COL4A2: variants seen among roughly 807,000 people sequenced by gnomAD.
COL4A2 encodes the protein collagen type IV alpha 2 chain.
Under a neutral mutation model 200.2 loss-of-function variants are expected in COL4A2, and 99 were observed. The ratio of observed to expected loss-of-function variants is 0.49; its 90% CI spans 0.42 to 0.58. The LOEUF (loss-of-function observed/expected upper bound fraction) is 0.58, where lower values mean the gene tolerates loss of function less well. COL4A2 is among the 20% of genes least tolerant of loss of function. The pLI is 0.00. For synonymous variants in COL4A2, 897 were observed against 900.6 expected (o/e 1.00, Z 0.07); for missense variants, 1,950 against 2,314.1 (o/e 0.84, Z 3.23).
intron 3 of COL4A2, among the ~76,000 whole-genome samples, chr13:110,351,889 T>C (rs116369826): frequency 0.012 from 1,880 of 152,272 alleles, 29 homozygotes; most frequent in African/African-American, 0.043. Context: ...TCCTGGCCAA[T>C]GCGCCTGGGA....
At chr13:110,454,541 T>C (rs369500858) in intron 20 of COL4A2, among the ~76,000 whole-genome samples, 12 of 152,132 alleles carry the variant, frequency 7.9e-5, no homozygotes, top group African/African-American at 2.9e-4. Context: ...CTCACAAAAG[T>C]CCACAACTGA....
At chr13:110,507,641 G>A (rs1482987115) in intron 46 of COL4A2, 4 of 511,816 alleles carry the variant, frequency 7.8e-6, no homozygotes, top group African/African-American at 3.8e-5. Flanking sequence ...CTAAGGTAAG[G>A]CTCACCCAAA....
intron 3 of COL4A2, among the ~76,000 whole-genome samples, chr13:110,317,098 C>G (rs1229085739): frequency 6.6e-6 from 1 of 150,994 alleles, no homozygotes; most frequent in Non-Finnish European, 1.5e-5. Context: ...CACACACATA[C>G]AGACACACAC....
chr13:110,485,625 A>G lies in COL4A2; in HGVS notation c.3026-30A>G, dbSNP rs1269620378. On this transcript the variant is annotated intron_variant, in intron 33 of 47. Transcript: ENST00000360467. ...GGAGGGCGGGTGCTGCGTCCTCACCAGAGTGTTACACACCAGGGTCTTCCT... is the reference window on the plus strand; with the variant it reads ...GGAGGGCGGGTGCTGCGTCCTCACCGGAGTGTTACACACCAGGGTCTTCCT... 4 of 1,557,958 alleles carry G rather than the reference A, an allele frequency of 2.6e-6. No individual in the cohort carries two copies. In the African/African-American group the frequency reaches 5.5e-5, roughly 22 times the overall value.
Position 110,428,520 on chromosome 13 carries a change from C to T in COL4A2, c.414C>T (p.Asn138=), listed in dbSNP as rs755297932. 31 of 1,586,202 alleles carry T rather than the reference C, an allele frequency of 2.0e-5. No homozygotes were observed. In the East Asian group the frequency reaches 2.6e-4, roughly 14 times the overall value. The change falls in exon 7 of 48, where the codon AAC becomes AAT. Residue 138 remains asparagine (N), a synonymous_variant. Coordinates refer to ENST00000360467, the MANE Select transcript of COL4A2 (RefSeq NM_001846.4). The part of the protein sequence containing the change: ...PRGRPGYDGC[N]GTQGDSGPQG... Reference sequence around the variant, plus strand: ...GAAGGCCGGGCTACGATGGCTGCAACGGAACCCAGGGAGACTCAGGTCCAC... The same window carrying T: ...GAAGGCCGGGCTACGATGGCTGCAATGGAACCCAGGGAGACTCAGGTCCAC...
intron 27 of COL4A2, 76 bp from the exon 28 acceptor site, chr13:110,469,141 G>A: frequency 6.6e-7 from 1 of 1,513,062 alleles, no homozygotes; most frequent in Middle Eastern, 1.7e-4. Context: ...TCCACATTAA[G>A]TCAGATGCCA....
chr13:110,330,658 C>T (rs370061728), intron 3 of COL4A2, among the ~76,000 whole-genome samples: 29 of 152,272 alleles, frequency 1.9e-4, no homozygotes, highest in African/African-American at 5.5e-4. Context: ...TTCTCCGATC[C>T]GCAGGGCACG....
intron 12 of COL4A2, 136 bp from the exon 13 acceptor site, chr13:110,436,133 A>T: frequency 7.9e-7 from 1 of 1,263,426 alleles, no homozygotes; most frequent in Non-Finnish European, 1.1e-6. Context: ...TGGTTATTAT[A>T]CTGTAAATAG....
chr13:110,436,876 C>A (rs1182922987), intron 13 of COL4A2, among the ~76,000 whole-genome samples: 2 of 150,442 alleles, frequency 1.3e-5, no homozygotes, highest in East Asian at 3.9e-4. Flanking sequence ...CGTCCACTCT[C>A]TCTACGTTTG....
intron 4 of COL4A2, among the ~76,000 whole-genome samples, chr13:110,373,091 G>A (rs889503078): frequency 6.6e-6 from 1 of 152,214 alleles, no homozygotes; most frequent in Admixed American, 6.5e-5. Context: ...TTAAAAGGAA[G>A]CATAATGATT....
chr13:110,451,161 A>G (rs1881526524), intron 20 of COL4A2, among the ~76,000 whole-genome samples: 1 of 152,206 alleles, frequency 6.6e-6, no homozygotes, highest in Admixed American at 6.5e-5. Flanking sequence ...TGAGTTGAGA[A>G]TGACCTGTCT....
chr13:110,369,621 T>A (rs551169671), intron 4 of COL4A2, among the ~76,000 whole-genome samples: 2 of 152,338 alleles, frequency 1.3e-5, no homozygotes, highest in East Asian at 3.9e-4. Context: ...CAGGTGGCAC[T>A]ATGGCATAGG....
In COL4A2 at chr13:110,495,355, C is replaced by T. The variant is rs374779953; in HGVS notation, c.3648C>T (p.His1216=). Residue 1216 remains histidine, a synonymous_variant, in exon 40 of 48, where the codon CAC becomes CAT. Coordinates refer to ENST00000360467, the MANE Select transcript of COL4A2 (RefSeq NM_001846.4). ...ACTCTTCCACAGGTTCTGACATCCA[C>T]GGAGACCCAGGCTTCCCAGGCCCTC... ...GFPGSPGSDI[H]GDPGFPGPPG... is the part of the protein sequence containing the mutation. 27 of 1,614,012 alleles carry T rather than the reference C, an allele frequency of 1.7e-5. No homozygotes were observed. The highest frequency in any genetic ancestry group is 3.3e-5 in the Admixed American group (2 of 59,998).
intron 3 of COL4A2, among the ~76,000 whole-genome samples, chr13:110,351,219 T>TTTGTTTG (rs1555322828): frequency 3.9e-4 from 59 of 150,032 alleles, no homozygotes; most frequent in African/African-American, 1.3e-3. Context: ...CAGCTATTCT[T>TTTGTTTG]TTTGTTTGTT....
intron 26 of COL4A2, 148 bp from the exon 27 acceptor site, chr13:110,466,892 C>T (rs951834970): frequency 3.8e-5 from 37 of 985,846 alleles, no homozygotes; most frequent in Admixed American, 7.5e-5. Flanking sequence ...TACATCAGAA[C>T]CAAGATGAAT....
intron 3 of COL4A2, among the ~76,000 whole-genome samples, chr13:110,348,077 C>A (rs937809562): frequency 3.9e-5 from 6 of 152,242 alleles, no homozygotes; most frequent in Non-Finnish European, 7.3e-5. Context: ...ACTGTCATTT[C>A]TTTCTGGTTC....
intron 16 of COL4A2, among the ~76,000 whole-genome samples, chr13:110,444,483 T>C (rs935216109): frequency 1.3e-5 from 2 of 152,212 alleles, no homozygotes; most frequent in African/African-American, 4.8e-5. Context: ...GAAGTTTGTC[T>C]TTACTTTTGA....
In COL4A2 at chr13:110,493,191, G is replaced by C. The variant is rs767961007; in HGVS notation, c.3563-20G>C. The C allele has an allele frequency of 1.2e-6, 2 of 1,613,654 alleles. No individual in the cohort carries two copies. Among genetic ancestry groups the C allele is most frequent in the South Asian group, 2.2e-5 (2 of 91,072 alleles). On this transcript the variant is annotated intron_variant, in intron 38 of 47. Coordinates refer to ENST00000360467, the MANE Select transcript of COL4A2 (RefSeq NM_001846.4). ...CACCCCCGCAGGTGAAATAAATAAC[G>C]ATGAGTGACACCCCCGCAGGTTTTC...
intron 6 of COL4A2, among the ~76,000 whole-genome samples, chr13:110,427,456 GTTTC>G (rs751587415): frequency 2.0e-5 from 3 of 152,086 alleles, no homozygotes; most frequent in Non-Finnish European, 2.9e-5. Context: ...AGCCAAGTTT[GTTTC>G]TTTATCTTGA....
Sources: allele counts gnomAD v4.1 joint callset (sites outside exome capture counted in the v4.1 genomes callset), GRCh38; gene constraint gnomAD v4.1.1; transcripts MANE v1.5; gene names NCBI Gene and HGNC (gene_info 2026-07-23, HGNC 2026-07-21).